PGAP2: variants seen among roughly 807,000 people sequenced by gnomAD.
PGAP2 encodes acyltransferase PGAP2.
A neutral mutation model predicts 33.2 loss-of-function variants in PGAP2; 21 were observed. That is an observed-to-expected ratio of 0.63 (90% CI 0.45 to 0.91). PGAP2 has a LOEUF of 0.91. Ranked by LOEUF, PGAP2 falls within the 40% of genes least tolerant of loss-of-function variation. The pLI is 0.00. For synonymous variants in PGAP2, 161 were observed against 172.9 expected (o/e 0.93, Z 0.54); for missense variants, 345 against 424.0 (o/e 0.81, Z 1.64).
intron 1 of PGAP2, among the ~76,000 whole-genome samples, chr11:3,801,590 A>C (rs1186672235): frequency 4.9e-5 from 7 of 144,100 alleles, no homozygotes; most frequent in Non-Finnish European, 1.1e-4. Flanking sequence ...TGCAGTGAGC[A>C]GAGATCGCGC....
intron 2 of PGAP2, among the ~76,000 whole-genome samples, chr11:3,816,716 G>A (rs1001391237): frequency 6.6e-6 from 1 of 152,212 alleles, no homozygotes; most frequent in African/African-American, 2.4e-5. Flanking sequence ...AGAGCCTGGG[G>A]GTGGAATGGC....
intron 2 of PGAP2, among the ~76,000 whole-genome samples, chr11:3,814,784 CTT>C (rs776436571): frequency 1.1e-4 from 12 of 107,220 alleles, no homozygotes; most frequent in Admixed American, 7.7e-4. Context: ...TTCTTTCTTT[CTT>C]TCTTTCTTTC....
At chr11:3,806,424 C>T (rs544782646), upstream of PGAP2, among the ~76,000 whole-genome samples, 6 of 152,254 alleles carry the variant, frequency 3.9e-5, no homozygotes, top group Admixed American at 3.3e-4. Flanking sequence ...TAGAACAAGA[C>T]ACTCTGAGTG....
exon 1 of PGAP2, chr11:3,797,896 A>T: frequency 6.5e-7 from 1 of 1,549,122 alleles, no homozygotes; most frequent in Non-Finnish European, 8.7e-7. Flanking sequence ...GTGACGCAAC[A>T]TAGAGACTCC....
rs10835147 is a variant in PGAP2, at chr11:3,817,723, T to C, written c.348+188T>C. On this transcript the variant is annotated intron_variant, in intron 3 of 6. Coordinates refer to ENST00000278243, the MANE Select transcript of PGAP2 (RefSeq NM_014489.4). ...AGACTCAGAGAGAATAGAATCACAG[T>C]CCTCCCTGAGTTGGAAGATGATGAT... The C allele has an allele frequency of 0.8, 559,765 of 699,540 alleles. 230,039 individuals are homozygous for C. The highest frequency in any genetic ancestry group is 0.87 in the Non-Finnish European group (334,419 of 384,020). The allele number at this position is 699,540 out of a possible 1,614,324, so 43.3% of individuals were successfully genotyped here.
intron 2 of PGAP2, among the ~76,000 whole-genome samples, chr11:3,814,133 C>G (rs1304911769): frequency 6.6e-6 from 1 of 152,350 alleles, no homozygotes; most frequent in Middle Eastern, 3.4e-3. Context: ...GCTAGTCCAT[C>G]ATATCTGTAA....
At chr11:3,808,144 A>G, upstream of PGAP2, 1 of 1,434,070 alleles carries the variant, frequency 7.0e-7, no homozygotes, top group Non-Finnish European at 9.4e-7. Flanking sequence ...AGTTTGGGGG[A>G]GGGGCGCCAG....
chr11:3,798,158 A>G, intron 1 of PGAP2: 3 of 1,416,936 alleles, frequency 2.1e-6, no homozygotes, highest in South Asian at 1.5e-5. Context: ...TCCTGACCCT[A>G]TTCTCTCCTG....
intron 3 of PGAP2, among the ~76,000 whole-genome samples, chr11:3,820,868 A>T (rs2134874511): frequency 6.6e-6 from 1 of 152,296 alleles, no homozygotes; most frequent in Middle Eastern, 3.4e-3. Context: ...CCTGCAAGGT[A>T]GGTGGTGTTA....
upstream of PGAP2, chr11:3,808,237 G>A (rs1019738143): frequency 2.7e-5 from 41 of 1,543,914 alleles, no homozygotes; most frequent in Non-Finnish European, 3.3e-5. Context: ...CAGGAGAGAC[G>A]GGCGGATGAG....
chr11:3,802,764 C>G (rs946751469), intron 1 of PGAP2, among the ~76,000 whole-genome samples: 1 of 151,998 alleles, frequency 6.6e-6, no homozygotes. Flanking sequence ...GTTATTTAAC[C>G]CTTCTCTGCC....
At chr11:3,808,095 T>C, upstream of PGAP2, 1 of 1,450,266 alleles carries the variant, frequency 6.9e-7, no homozygotes, top group Non-Finnish European at 9.1e-7. Context: ...AAGGTGCTCT[T>C]CCCATTGCTG....
rs191394026 is a variant in PGAP2 at position 3,798,059 on chromosome 11, C to G, written c.139+77C>G. 17 of 1,512,400 alleles carry G rather than the reference C, an allele frequency of 1.1e-5. No individual in the cohort carries two copies. In the Admixed American group the frequency reaches 3.7e-4, roughly 33 times the overall value. 93.7% of individuals were successfully genotyped at this position (1,512,400 alleles called of 1,614,324 possible). A position where few individuals can be genotyped will look rare whatever the true frequency, so the allele number is the denominator to read the frequency against. ...CTTCCTAGTCTCTCTGCCCGCACTTCCCGCCCAGACCACGTGCGGAGCCTG... is the reference window on the plus strand; with the variant it reads ...CTTCCTAGTCTCTCTGCCCGCACTTGCCGCCCAGACCACGTGCGGAGCCTG... On this transcript the variant is annotated intron_variant, in intron 1 of 6. Transcript: ENST00000300730.
chr11:3,805,839 A>G (rs1379154443), upstream of PGAP2, among the ~76,000 whole-genome samples: 1 of 151,828 alleles, frequency 6.6e-6, no homozygotes, highest in East Asian at 2.0e-4. Context: ...GGTGCGCGCC[A>G]TCACGCCTAG....
At chr11:3,809,665 C>A (rs1474099519) in intron 1 of PGAP2, among the ~76,000 whole-genome samples, 1 of 152,178 alleles carries the variant, frequency 6.6e-6, no homozygotes, top group Non-Finnish European at 1.5e-5. Context: ...GAAAATGTTC[C>A]CCATCTAGGG....
intron 1 of PGAP2, among the ~76,000 whole-genome samples, chr11:3,802,993 AT>A (rs772953745): frequency 7.4e-5 from 9 of 120,950 alleles, no homozygotes; most frequent in African/African-American, 1.6e-4. Flanking sequence ...CACCCGGCTA[AT>A]TTTTTTTTTT....
At position 3,825,854 on chromosome 11, in the gene PGAP2, G is replaced by A. The variant is rs930794548; in HGVS notation, c.*396G>A. 3.6e-5 allele frequency: 7 copies of A among 196,692 alleles called. No individual in the cohort carries two copies. The highest frequency in any genetic ancestry group is 3.5e-4 in the South Asian group (4 of 11,542). The allele number at this position is 196,692 out of a possible 1,614,324, so 12.2% of individuals were successfully genotyped here. On this transcript the variant is annotated 3_prime_UTR_variant, in exon 7 of 7. Coordinates refer to ENST00000278243, the MANE Select transcript of PGAP2 (RefSeq NM_014489.4). The stretch of plus-strand genomic sequence containing the variant: ...CAACCACAGCCATTTCTCTGCACGG[G>A]GGTCATTCATAGGACTAATGTATTT...
intron 2 of PGAP2, among the ~76,000 whole-genome samples, chr11:3,814,037 G>T (rs1376247384): frequency 6.6e-6 from 1 of 152,124 alleles, no homozygotes; most frequent in East Asian, 1.9e-4. Context: ...TACGGTGTTG[G>T]TTCCACCTTG....
chr11:3,798,088 G>T, intron 1 of PGAP2: 2 of 1,496,500 alleles, frequency 1.3e-6, no homozygotes, highest in Non-Finnish European at 8.8e-7. Flanking sequence ...GAGCCTGAGG[G>T]CCCTCTTGGA....
Sources: allele counts gnomAD v4.1 joint callset (sites outside exome capture counted in the v4.1 genomes callset), GRCh38; gene constraint gnomAD v4.1.1; transcripts MANE v1.5; gene names NCBI Gene and HGNC (gene_info 2026-07-23, HGNC 2026-07-21).